The following VTCN1 variants were observed in gnomAD, a reference collection of about 807,000 sequenced individuals.
VTCN1 encodes V-set domain containing T cell activation inhibitor 1, also known as V-set domain-containing T-cell activation inhibitor 1.
In VTCN1, 26 loss-of-function variants were observed where a neutral mutation model predicts 26.5. The observed-to-expected ratio is 0.98, with a 90% confidence interval of 0.72 to 1.36. The LOEUF is 1.36. Among genes scored for constraint, VTCN1 ranks in the 40% most tolerant of loss-of-function variants. The pLI is 0.00. For missense variants in VTCN1, 298 were observed against 337.7 expected, an observed-to-expected ratio of 0.88 and a Z score of 0.92; for synonymous variants, 116 against 130.7, an observed-to-expected ratio of 0.89 and a Z score of 0.77.
At chr1:117,165,723 A>G (rs1233208124) in intron 2 of VTCN1, among the ~76,000 whole-genome samples, 1 of 152,210 alleles carries the variant, frequency 6.6e-6, no homozygotes, top group African/African-American at 2.4e-5. Flanking sequence ...TGAGCCAATT[A>G]AACTTCTTTT....
rs749601800 is a variant in VTCN1, at chr1:117,146,382, GA to G, written c.*46-1158del. ...TATAGTGAAATCTTGGAGAACAAGA[GA>G]AAGAATGAAAAGAAGCAGATCAACA... On this transcript the variant is annotated intron_variant, in intron 5 of 5. Coordinates refer to ENST00000369458, the MANE Select transcript of VTCN1 (RefSeq NM_024626.4). This position sits in a 1 kb window ranked among gnomAD's most constrained non-coding sequence, Gnocchi z 4.2. Among the ~76,000 whole-genome samples the G allele has an allele frequency of 2.0e-5, 3 of 152,152 alleles. No individual in the cohort carries two copies. The highest frequency in any genetic ancestry group is 2.9e-5 in the Non-Finnish European group (2 of 68,012).
rs1651890646 is a variant in VTCN1, at chr1:117,153,229, T to C, written c.586A>G (p.Asn196Asp). ...TCAGAGTTCAGCTCAAAGCTGGTAT[T>C]GGAGACTTCCGAGAAGTTGGCTCCC... ...DQGANFSEVS[N>D]TSFELNSENV... is the part of the protein sequence containing the mutation. Residue 196 changes from asparagine (N) to aspartate (D), a missense_variant, in exon 4 of 6, where the codon AAT becomes GAT. Asn to Asp is a conservative substitution (Grantham distance 23). Coordinates refer to ENST00000369458, the MANE Select transcript of VTCN1 (RefSeq NM_024626.4). The C allele has an allele frequency of 6.2e-7, 1 of 1,614,042 alleles. No homozygotes were observed. Among genetic ancestry groups the C allele is most frequent in the African/African-American group, 1.3e-5 (1 of 74,924 alleles).
At chr1:117,186,705 C>T (rs1647960509) in intron 1 of VTCN1, among the ~76,000 whole-genome samples, 4 of 152,154 alleles carry the variant, frequency 2.6e-5, no homozygotes, top group Admixed American at 2.6e-4. Context: ...CACTGATGTC[C>T]ATGAAGCCAT....
intron 1 of VTCN1, among the ~76,000 whole-genome samples, chr1:117,206,244 A>T (rs1194331440): frequency 6.6e-6 from 1 of 151,896 alleles, no homozygotes; most frequent in Non-Finnish European, 1.5e-5. Flanking sequence ...TCCCTGGGGC[A>T]ATTAATCCAA....
intron 1 of VTCN1, among the ~76,000 whole-genome samples, chr1:117,201,099 T>C (rs1201906842): frequency 6.6e-6 from 1 of 152,144 alleles, no homozygotes; most frequent in Non-Finnish European, 1.5e-5. Flanking sequence ...ACATTTATAA[T>C]GGGAAAGGAA....
intron 1 of VTCN1, among the ~76,000 whole-genome samples, chr1:117,189,680 C>T (rs554163057): frequency 3.9e-5 from 6 of 152,218 alleles, no homozygotes; most frequent in East Asian, 1.9e-4. Flanking sequence ...CATTAGTTAT[C>T]GATAGCTAGG....
At position 117,156,838 on chromosome 1, in the gene VTCN1, C is replaced by T. The variant is rs776697356; in HGVS notation, c.181G>A (p.Asp61Asn). Residue 61 changes from aspartate (D) to asparagine (N), a missense_variant, in exon 3 of 6, where the codon GAC becomes AAC. Transcript: ENST00000369458. ...DGILSCTFEP[D>N]IKLSDIVIQW... is the part of the protein sequence containing the mutation. ...ATCACGATATCAGAAAGTTTGATGT[C>T]AGGTTCAAAAGTGCAGCTCAGGATT... 1.1e-5 allele frequency: 18 copies of T among 1,613,920 alleles called. No homozygotes were observed. The highest frequency in any genetic ancestry group is 1.5e-5 in the Non-Finnish European group (18 of 1,180,010).
Position 117,179,400 on chromosome 1 carries a change from A to T in VTCN1, c.33-9229T>A, listed in dbSNP as rs533225879. Among the ~76,000 whole-genome samples the T allele has an allele frequency of 2.0e-5, 3 of 152,352 alleles. No individual in the cohort carries two copies. In the East Asian group the frequency reaches 5.8e-4, roughly 29 times the overall value. ...AGGGAACTAGGGTGGTTTAATTTGA[A>T]GAAGACTAAATATAGTGATATCATT... On this transcript the variant is annotated intron_variant, in intron 1 of 5. Transcript: ENST00000369458.
chr1:117,197,490 T>C (rs1335725003), intron 1 of VTCN1, among the ~76,000 whole-genome samples: 2 of 152,124 alleles, frequency 1.3e-5, no homozygotes, highest in African/African-American at 4.8e-5. Flanking sequence ...TAATAGTAAA[T>C]ATTCTCTCCA....
At position 117,145,313 on chromosome 1, in the gene VTCN1, G is replaced by A. The variant is rs1651451042; in HGVS notation, c.*46-88C>T. ...GAACTGAGAGCTTCCCTGCCACTGC[G>A]TGGTGTATCTCTTGTTTAGAAAGGG... On this transcript the variant is annotated intron_variant, in intron 5 of 5. Transcript: ENST00000369458. This position sits in a 1 kb window ranked among gnomAD's most constrained non-coding sequence, Gnocchi z 4.6. The A allele has an allele frequency of 1.3e-5, 2 of 152,190 alleles. No homozygotes were observed. The highest frequency in any genetic ancestry group is 2.4e-5 in the African/African-American group (1 of 41,444). 9.4% of individuals were successfully genotyped at this position (152,190 alleles called of 1,614,324 possible).
rs1470892344 is a variant in VTCN1, at chr1:117,145,004, T to C, written c.*267A>G. On this transcript the variant is annotated 3_prime_UTR_variant, in exon 6 of 6. Coordinates refer to ENST00000369458, the MANE Select transcript of VTCN1 (RefSeq NM_024626.4). The surrounding 1 kb of genome is among the most constrained non-coding windows in gnomAD (Gnocchi z 4.6). ...CACTTGTCTCCACGTGCATTTTACT[T>C]ATCACTCTTAACACACTTGTCTAGT... 1.3e-5 allele frequency: 2 copies of C among 152,656 alleles called. No homozygotes were observed. Among genetic ancestry groups the C allele is most frequent in the Non-Finnish European group, 2.9e-5 (2 of 68,044 alleles). The allele number at this position is 152,656 out of a possible 1,614,324, so 9.5% of individuals were successfully genotyped here. A position where few individuals can be genotyped will look rare whatever the true frequency, so the allele number is the denominator to read the frequency against.
chr1:117,184,789 A>G (rs540637976), intron 1 of VTCN1, among the ~76,000 whole-genome samples: 2 of 152,204 alleles, frequency 1.3e-5, no homozygotes, highest in African/African-American at 2.4e-5. Flanking sequence ...AGCAAGAGCC[A>G]GGGTGACTGT....
At chr1:117,156,455 A>G in intron 3 of VTCN1, 119 bp downstream of exon 3, 1 of 1,133,894 alleles carries the variant, frequency 8.8e-7, no homozygotes, top group Non-Finnish European at 1.2e-6. Flanking sequence ...AACAGCTGTT[A>G]GCAGAATTGG....
At chr1:117,205,157 TAGAGAGAG>T (rs60000486) in intron 1 of VTCN1, among the ~76,000 whole-genome samples, 3 of 137,994 alleles carry the variant, frequency 2.2e-5, no homozygotes, top group East Asian at 2.1e-4. Flanking sequence ...TATATATATA[TAGAGAGAG>T]AGAGAGAGAG....
chr1:117,156,980 A>ACC, intron 2 of VTCN1, 59 bp from the exon 3 acceptor site: 1 of 1,611,526 alleles, frequency 6.2e-7, no homozygotes, highest in Non-Finnish European at 8.5e-7. Context: ...CTACAACCAA[A>ACC]CCCTTCATTG....
In VTCN1 at chr1:117,145,240, A is replaced by G. The variant is rs1009598040; in HGVS notation, c.*46-15T>C. 4 of 152,230 alleles carry G rather than the reference A, an allele frequency of 2.6e-5. No homozygotes were observed. Among genetic ancestry groups the G allele is most frequent in the African/African-American group, 9.6e-5 (4 of 41,458 alleles). The allele number at this position is 152,230 out of a possible 1,614,324, so 9.4% of individuals were successfully genotyped here. On this transcript the variant is annotated splice_polypyrimidine_tract_variant and intron_variant, in intron 5 of 5. Transcript: ENST00000369458. The surrounding 1 kb of genome is among the most constrained non-coding windows in gnomAD (Gnocchi z 4.6). ...TCTGTAGATCCCTGGGATTGTGGAA[A>G]TAACAGCAATAAGATACCATTATAG...
At position 117,145,495 on chromosome 1, in the gene VTCN1, C is replaced by G. The variant is rs1284405037; in HGVS notation, c.*46-270G>C. Among the ~76,000 whole-genome samples the G allele has an allele frequency of 6.6e-6, 1 of 152,180 alleles. No homozygotes were observed. The highest frequency in any genetic ancestry group is 1.5e-5 in the Non-Finnish European group (1 of 68,026). On this transcript the variant is annotated intron_variant, in intron 5 of 5. Transcript: ENST00000369458. This position sits in a 1 kb window ranked among gnomAD's most constrained non-coding sequence, Gnocchi z 4.6. Reference sequence around the variant, plus strand: ...GATGGGTCCTTATAGTAAATGAGAACTGAGAGGAGTCTGGGCAGGCTCCTG... The same window carrying G: ...GATGGGTCCTTATAGTAAATGAGAAGTGAGAGGAGTCTGGGCAGGCTCCTG...
intron 1 of VTCN1, among the ~76,000 whole-genome samples, chr1:117,182,072 C>G (rs187480613): frequency 3.3e-5 from 5 of 152,188 alleles, no homozygotes. Context: ...GCCCTGGGAT[C>G]AGTGCACTGT....
In VTCN1 at chr1:117,156,914, G is replaced by A. The variant is rs1652110707; in HGVS notation, c.105C>T (p.His35=). The change falls in exon 3 of 6, where the codon CAC becomes CAT. Residue 35 remains histidine, a synonymous_variant. Coordinates refer to ENST00000369458, the MANE Select transcript of VTCN1 (RefSeq NM_024626.4). ...LIIGFGISGR[H]SITVTTVASA... is the part of the protein sequence containing the mutation. ...AGGCGACAGTAGTGACTGTGATGGA[G>A]TGTCTCCCTGCAGTTCAGGAAGCAA... The A allele has an allele frequency of 6.2e-7, 1 of 1,614,038 alleles. No homozygotes were observed. Among genetic ancestry groups the A allele is most frequent in the Non-Finnish European group, 8.5e-7 (1 of 1,179,998 alleles).
Sources: gnomAD v4.1 joint callset for allele counts (sites outside exome capture counted in the v4.1 genomes callset) on GRCh38, gnomAD v4.1.1 for gene constraint, Gnocchi (gnomAD v3.1) non-coding constraint, MANE v1.5 for transcripts, NCBI Gene and HGNC (gene_info 2026-07-23, HGNC 2026-07-21) for gene names.